GPHN: variants seen among roughly 807,000 people sequenced by gnomAD.
GPHN encodes gephyrin.
In GPHN, 17 loss-of-function variants were observed where a neutral mutation model predicts 95.5. That is an observed-to-expected ratio of 0.18 (90% CI 0.12 to 0.27). The LOEUF (loss-of-function observed/expected upper bound fraction) is 0.27, where lower values mean the gene tolerates loss of function less well. Ranked by LOEUF, GPHN falls within the 10% of genes least tolerant of loss-of-function variation. GPHN has a pLI of 1.00. For missense variants in GPHN, 660 were observed against 978.1 expected, an observed-to-expected ratio of 0.67 and a Z score of 4.34; for synonymous variants, 320 against 322.5, an observed-to-expected ratio of 0.99 and a Z score of 0.08.
chr14:66,541,442 A>G (rs567392770), intron 1 of GPHN, among the ~76,000 whole-genome samples: 1 of 152,240 alleles, frequency 6.6e-6, no homozygotes, highest in Middle Eastern at 3.2e-3. Context: ...TGACCTAAAT[A>G]TATTTCACAA....
chr14:67,249,468 T>C, the GPHN span, among the ~76,000 whole-genome samples: 3 of 152,216 alleles, frequency 2.0e-5, no homozygotes, highest in African/African-American at 7.2e-5. Flanking sequence ...ATCTGACACA[T>C]AGCAGATACT....
chr14:66,772,376 A>G (rs2059213252), intron 2 of GPHN, among the ~76,000 whole-genome samples: 1 of 152,128 alleles, frequency 6.6e-6, no homozygotes, highest in African/African-American at 2.4e-5. Flanking sequence ...AGAATTTTGG[A>G]CTCATGACTT....
chr14:67,366,854 T>TGAGCCGAGATTGCGCCACTGCAG, the GPHN span, among the ~76,000 whole-genome samples: 10 of 152,054 alleles, frequency 6.6e-5, no homozygotes, highest in African/African-American at 1.7e-4. Context: ...ATGTTTTCTG[T>TGAGCCGAGATTGCGCCACTGCAG]TTTACACCTT....
chr14:67,734,010 C>A, the GPHN span: 3 of 598,244 alleles, frequency 5.0e-6, no homozygotes, highest in African/African-American at 1.8e-5. Context: ...GCACACCTGA[C>A]ACTCTTGTGA....
At chr14:67,684,473 G>C in the GPHN span, 2 of 152,116 alleles carry the variant, frequency 1.3e-5, no homozygotes, top group Non-Finnish European at 2.9e-5. Flanking sequence ...ATCTAACCCT[G>C]TGTTATATTC....
At chr14:66,795,259 C>T (rs1279101399) in intron 3 of GPHN, among the ~76,000 whole-genome samples, 3 of 152,072 alleles carry the variant, frequency 2.0e-5, no homozygotes, top group Non-Finnish European at 4.4e-5. Context: ...AATGCTACAA[C>T]CAGTCTATTT....
intron 2 of GPHN, among the ~76,000 whole-genome samples, chr14:66,703,527 T>C (rs183073266): frequency 6.6e-6 from 1 of 152,324 alleles, no homozygotes; most frequent in African/African-American, 2.4e-5. Context: ...ACGCAGAATT[T>C]CATATCTAGC....
At chr14:67,529,425 G>A in the GPHN span, among the ~76,000 whole-genome samples, 211 of 152,316 alleles carry the variant, frequency 1.4e-3, 1 homozygote, top group Non-Finnish European at 1.3e-3. Context: ...TCCTAGCACA[G>A]TGGCTGGAAA....
chr14:67,152,837 T>C (rs1413785447), intron 18 of GPHN, among the ~76,000 whole-genome samples: 1 of 151,990 alleles, frequency 6.6e-6, no homozygotes, highest in Non-Finnish European at 1.5e-5. Context: ...TGGTGGTGCA[T>C]GCCTGTCATG....
intron 11 of GPHN, among the ~76,000 whole-genome samples, chr14:67,086,518 G>C (rs1190307644): frequency 3.3e-5 from 5 of 151,306 alleles, no homozygotes; most frequent in Non-Finnish European, 5.9e-5. Context: ...GGGCGAGGTG[G>C]CGGGCGCCTG....
chr14:67,554,977 A>G, the GPHN span, among the ~76,000 whole-genome samples: 1 of 152,108 alleles, frequency 6.6e-6, no homozygotes, highest in South Asian at 2.1e-4. Flanking sequence ...CAGTGGTGCC[A>G]TCTCAGCTCA....
intron 3 of GPHN, among the ~76,000 whole-genome samples, chr14:66,805,478 T>C (rs748670805): frequency 2.6e-5 from 4 of 152,134 alleles, no homozygotes; most frequent in Non-Finnish European, 4.4e-5. Context: ...AGCTCAGAAA[T>C]CCACAGTCCA....
At chr14:67,088,024 A>G (rs1222883322) in intron 11 of GPHN, among the ~76,000 whole-genome samples, 1 of 152,202 alleles carries the variant, frequency 6.6e-6, no homozygotes, top group Non-Finnish European at 1.5e-5. Flanking sequence ...AGTGATTTTC[A>G]TCCAGAGTAG....
intron 4 of GPHN, among the ~76,000 whole-genome samples, chr14:66,841,922 G>A (rs916558902): frequency 1.5e-4 from 23 of 152,052 alleles, no homozygotes; most frequent in African/African-American, 5.5e-4. Flanking sequence ...ACCTGGTGGT[G>A]CACGCCTGTA....
intron 1 of GPHN, among the ~76,000 whole-genome samples, chr14:66,642,865 GA>G (rs1344987994): frequency 6.6e-6 from 1 of 151,866 alleles, no homozygotes; most frequent in Non-Finnish European, 1.5e-5. Context: ...ATCCAACTAT[GA>G]AAGATTTAAA....
chr14:67,715,095 G>C, the GPHN span: 1 of 152,316 alleles, frequency 6.6e-6, no homozygotes, highest in Admixed American at 6.5e-5. Context: ...AAGCAAAAGA[G>C]AAAAGTACCT....
chr14:67,048,638 A>C (rs973253999), intron 10 of GPHN, among the ~76,000 whole-genome samples: 1 of 152,114 alleles, frequency 6.6e-6, no homozygotes, highest in African/African-American at 2.4e-5. Context: ...CTCTGCCCCA[A>C]CTCTCAAATA....
chr14:67,420,338 G>A, the GPHN span, among the ~76,000 whole-genome samples: 1 of 152,226 alleles, frequency 6.6e-6, no homozygotes, highest in African/African-American at 2.4e-5. Flanking sequence ...TTGCTAGGGG[G>A]ATTAAAAGAG....
intron 2 of GPHN, among the ~76,000 whole-genome samples, chr14:66,774,497 T>C (rs1179860069): frequency 6.6e-6 from 1 of 152,238 alleles, no homozygotes; most frequent in African/African-American, 2.4e-5. Context: ...TTATTAAACT[T>C]GTCGTGCTTC....
Sources: allele counts gnomAD v4.1 joint callset (sites outside exome capture counted in the v4.1 genomes callset), GRCh38; gene constraint gnomAD v4.1.1; transcripts MANE v1.5; gene names NCBI Gene and HGNC (gene_info 2026-07-23, HGNC 2026-07-21).